Variants in DCC observed in about 807,000 individuals in gnomAD.
DCC encodes netrin receptor DCC.
In DCC, 58 loss-of-function variants were observed where a neutral mutation model predicts 172.5. The ratio of observed to expected loss-of-function variants is 0.34; its 90% CI spans 0.27 to 0.42. The LOEUF is 0.42. Ranked by LOEUF, DCC falls within the 10% of genes least tolerant of loss-of-function variation. DCC has a pLI of 1.00. For synonymous variants in DCC, 709 were observed against 644.5 expected (o/e 1.10, Z -1.52); for missense variants, 1,740 against 1,791.0 (o/e 0.97, Z 0.51).
chr18:52,839,921 A>C (rs10853623), intron 2 of DCC, among the ~76,000 whole-genome samples: 66,696 of 152,070 alleles, frequency 0.44, 14,813 homozygotes, highest in South Asian at 0.55. Context: ...ATACCTTTAA[A>C]TAAAACATAG....
chr18:52,953,399 C>T (rs769299137), intron 5 of DCC, among the ~76,000 whole-genome samples: 8 of 152,190 alleles, frequency 5.3e-5, no homozygotes, highest in Non-Finnish European at 1.0e-4. Context: ...CTTTCCGCCT[C>T]TGTGACCCAG....
intron 15 of DCC, among the ~76,000 whole-genome samples, chr18:53,373,150 G>A (rs1403897308): frequency 6.6e-6 from 1 of 152,076 alleles, no homozygotes; most frequent in Non-Finnish European, 1.5e-5. Context: ...GCACAAAATT[G>A]TTTATTAAAA....
At chr18:52,588,254 T>G (rs1387106162) in intron 1 of DCC, among the ~76,000 whole-genome samples, 1 of 152,190 alleles carries the variant, frequency 6.6e-6, no homozygotes, top group East Asian at 1.9e-4. Flanking sequence ...ACAGAATTCC[T>G]ACTACCACTG....
chr18:52,493,950 T>C (rs571669835), intron 1 of DCC, among the ~76,000 whole-genome samples: 1 of 152,200 alleles, frequency 6.6e-6, no homozygotes, highest in East Asian at 1.9e-4. Flanking sequence ...TTCTCATCAT[T>C]CCATCTGGCA....
intron 1 of DCC, among the ~76,000 whole-genome samples, chr18:52,374,256 A>G (rs985010242): frequency 2.6e-5 from 4 of 152,106 alleles, no homozygotes; most frequent in Non-Finnish European, 5.9e-5. Context: ...ACCTAAAGAG[A>G]GTGAATACAC....
intron 2 of DCC, among the ~76,000 whole-genome samples, chr18:52,833,316 G>GGA: frequency 6.6e-6 from 1 of 152,188 alleles, no homozygotes; most frequent in Admixed American, 6.5e-5. Context: ...TTAGAGCCCT[G>GGA]GAGTTTGATT....
rs140375364 is a variant in DCC at position 53,468,178 on chromosome 18, T to G, written c.3736+168T>G. Among the ~76,000 whole-genome samples, 5 of 152,192 alleles carry G rather than the reference T, an allele frequency of 3.3e-5. No homozygotes were observed. The East Asian group carries it at 7.7e-4, about 23-fold the overall frequency. ...TCATTAATAATTTGAAGTCTAAGTC[T>G]TCATTCGTTACTGTATTTTTTTGTA... On this transcript the variant is annotated intron_variant, in intron 25 of 28. Transcript: ENST00000442544.
chr18:52,764,957 T>A (rs2037220369), intron 2 of DCC, among the ~76,000 whole-genome samples: 1 of 152,160 alleles, frequency 6.6e-6, no homozygotes, highest in Admixed American at 6.5e-5. Context: ...ATGAGAACTC[T>A]TTCTGGTGGC....
intron 1 of DCC, among the ~76,000 whole-genome samples, chr18:52,687,013 T>C (rs1481513296): frequency 6.6e-6 from 1 of 152,122 alleles, no homozygotes; most frequent in African/African-American, 2.4e-5. Flanking sequence ...ACTCCTTAGG[T>C]TGATCATCAT....
At chr18:52,793,206 A>G (rs567740289) in intron 2 of DCC, among the ~76,000 whole-genome samples, 1 of 152,254 alleles carries the variant, frequency 6.6e-6, no homozygotes, top group East Asian at 1.9e-4. Flanking sequence ...ATGCAAATGG[A>G]CTTTCCGGTT....
At chr18:52,705,585 C>G (rs1039266388) in intron 1 of DCC, among the ~76,000 whole-genome samples, 1 of 152,046 alleles carries the variant, frequency 6.6e-6, no homozygotes, top group Non-Finnish European at 1.5e-5. Context: ...AAAATGGGGC[C>G]TGGAGGAAGC....
At chr18:52,672,798 A>G (rs973798921) in intron 1 of DCC, among the ~76,000 whole-genome samples, 8 of 152,128 alleles carry the variant, frequency 5.3e-5, no homozygotes, top group African/African-American at 1.9e-4. Context: ...CTGGGTACCA[A>G]GGCTTGTGCC....
chr18:52,727,356 A>G (rs1289082014), intron 1 of DCC, among the ~76,000 whole-genome samples: 3 of 152,180 alleles, frequency 2.0e-5, no homozygotes, highest in Non-Finnish European at 2.9e-5. Context: ...CTAATAAATT[A>G]GAAAGTTTCC....
chr18:52,496,504 G>A (rs900942159), intron 1 of DCC, among the ~76,000 whole-genome samples: 2 of 152,114 alleles, frequency 1.3e-5, no homozygotes, highest in African/African-American at 2.4e-5. Flanking sequence ...AAAATGACAT[G>A]TTGGACTGCT....
chr18:52,663,409 T>A (rs2144952473), intron 1 of DCC, among the ~76,000 whole-genome samples: 1 of 152,140 alleles, frequency 6.6e-6, no homozygotes, highest in Admixed American at 6.5e-5. Flanking sequence ...GTTTGCTGAG[T>A]TTCGAGTGGA....
intron 14 of DCC, among the ~76,000 whole-genome samples, chr18:53,338,337 C>G (rs1160780962): frequency 2.6e-5 from 4 of 152,210 alleles, no homozygotes; most frequent in Non-Finnish European, 5.9e-5. Context: ...GGCACGATGG[C>G]TCAAGCCTGT....
chr18:52,581,831 A>T (rs1045116323), intron 1 of DCC, among the ~76,000 whole-genome samples: 1 of 152,174 alleles, frequency 6.6e-6, no homozygotes, highest in African/African-American at 2.4e-5. Flanking sequence ...TGCACTAACA[A>T]CTTTCTGATT....
intron 5 of DCC, among the ~76,000 whole-genome samples, chr18:52,996,715 C>T (rs533811293): frequency 4.6e-5 from 7 of 151,684 alleles, no homozygotes; most frequent in African/African-American, 1.2e-4. Context: ...TAAGTTCACC[C>T]CACCTTGCCA....
At chr18:52,845,119 A>C (rs2145326853) in intron 2 of DCC, among the ~76,000 whole-genome samples, 1 of 150,964 alleles carries the variant, frequency 6.6e-6, no homozygotes, top group African/African-American at 2.5e-5. Flanking sequence ...CCTTGGGAAA[A>C]GACAGACAGA....
Sources: gnomAD v4.1 joint callset for allele counts (sites outside exome capture counted in the v4.1 genomes callset) on GRCh38, gnomAD v4.1.1 for gene constraint, MANE v1.5 for transcripts, NCBI Gene and HGNC (gene_info 2026-07-23, HGNC 2026-07-21) for gene names.